HHAT: variants seen among roughly 807,000 people sequenced by gnomAD.
HHAT encodes the protein protein-cysteine N-palmitoyltransferase HHAT.
HHAT carries 47 observed loss-of-function variants against 70.8 expected under a neutral mutation model. The observed-to-expected ratio is 0.66, with a 90% confidence interval of 0.53 to 0.85. The LOEUF is 0.85. HHAT is among the 40% of genes least tolerant of loss of function. The pLI is 0.00. For synonymous variants in HHAT, 228 were observed against 247.6 expected (o/e 0.92, Z 0.74); for missense variants, 609 against 604.8 (o/e 1.01, Z -0.07).
intron 7 of HHAT, among the ~76,000 whole-genome samples, chr1:210,420,768 A>G (rs78550464): frequency 0.18 from 26,676 of 152,076 alleles, 2,824 homozygotes; most frequent in Middle Eastern, 0.24. Context: ...ACAAAGCCAT[A>G]CTTTACCTTG....
chr1:210,435,973 C>T (rs1195458715), intron 7 of HHAT, among the ~76,000 whole-genome samples: 1 of 151,778 alleles, frequency 6.6e-6, no homozygotes, highest in East Asian at 1.9e-4. Flanking sequence ...TTGATACAAT[C>T]CATTTATCTA....
chr1:210,565,955 C>T (rs57610416), intron 9 of HHAT, among the ~76,000 whole-genome samples: 9,005 of 152,212 alleles, frequency 0.059, 847 homozygotes, highest in African/African-American at 0.2. Context: ...CTAGCTCTAG[C>T]GTCCTCTGTG....
chr1:210,497,767 T>A (rs2094677335), intron 8 of HHAT, among the ~76,000 whole-genome samples: 1 of 133,244 alleles, frequency 7.5e-6, no homozygotes. Context: ...CTGACTCTAA[T>A]TTTTTTTTTT....
chr1:210,655,806 G>A (rs1033352316), intron 11 of HHAT, among the ~76,000 whole-genome samples: 1 of 152,160 alleles, frequency 6.6e-6, no homozygotes, highest in Non-Finnish European at 1.5e-5. Flanking sequence ...ACAGACAAAT[G>A]CCCCTCCTCT....
chr1:210,497,182 A>G (rs937917963), intron 8 of HHAT, among the ~76,000 whole-genome samples: 5 of 152,224 alleles, frequency 3.3e-5, no homozygotes, highest in Admixed American at 3.3e-4. Flanking sequence ...AGAAACATAA[A>G]GGTATGCCCT....
chr1:210,656,367 C>T (rs536423962), intron 11 of HHAT, among the ~76,000 whole-genome samples: 75 of 152,074 alleles, frequency 4.9e-4, no homozygotes, highest in African/African-American at 1.6e-3. Context: ...TCCACAGTCA[C>T]GCATGTGCTT....
At chr1:210,673,095 T>C (rs1338488104) in intron 11 of HHAT, among the ~76,000 whole-genome samples, 3 of 152,212 alleles carry the variant, frequency 2.0e-5, no homozygotes, top group Admixed American at 2.0e-4. Context: ...CTCTGTGAAA[T>C]GTTGTGATGC....
chr1:210,458,824 C>A (rs902198236), intron 7 of HHAT, among the ~76,000 whole-genome samples: 1 of 152,100 alleles, frequency 6.6e-6, no homozygotes, highest in East Asian at 1.9e-4. Flanking sequence ...CACATGGGAT[C>A]CAATCACTAG....
At chr1:210,374,184 T>C (rs769433510) in intron 3 of HHAT, 10 of 152,282 alleles carry the variant, frequency 6.6e-5, no homozygotes, top group East Asian at 1.9e-4. Context: ...TTACAAAAAA[T>C]TAGCTTATAA....
intron 7 of HHAT, among the ~76,000 whole-genome samples, chr1:210,450,521 G>A (rs575802644): frequency 1.3e-5 from 2 of 151,422 alleles, no homozygotes; most frequent in East Asian, 3.9e-4. Flanking sequence ...TTTTGAGATG[G>A]AGTCTTGCTC....
chr1:210,396,168 T>G (rs531022862), intron 4 of HHAT, among the ~76,000 whole-genome samples: 1 of 152,178 alleles, frequency 6.6e-6, no homozygotes, highest in African/African-American at 2.4e-5. Flanking sequence ...ACTTTCTTAT[T>G]TTTCATCAGC....
chr1:210,660,393 C>T (rs967937190), intron 11 of HHAT, among the ~76,000 whole-genome samples: 5 of 152,116 alleles, frequency 3.3e-5, no homozygotes, highest in African/African-American at 1.2e-4. Flanking sequence ...AACTACAAAC[C>T]ACTGCTCAAC....
At chr1:210,536,475 C>T (rs1476834546) in intron 9 of HHAT, among the ~76,000 whole-genome samples, 1 of 152,250 alleles carries the variant, frequency 6.6e-6, no homozygotes, top group African/African-American at 2.4e-5. Context: ...CTCAGCACCA[C>T]ATTACTGCTT....
chr1:210,456,965 C>G (rs2093882656), intron 7 of HHAT, among the ~76,000 whole-genome samples: 1 of 152,166 alleles, frequency 6.6e-6, no homozygotes, highest in African/African-American at 2.4e-5. Flanking sequence ...CAGTTCTGCC[C>G]ATGACCTCAC....
intron 2 of HHAT, among the ~76,000 whole-genome samples, chr1:210,351,992 ACTT>A (rs1490945537): frequency 6.6e-6 from 1 of 152,174 alleles, no homozygotes; most frequent in Non-Finnish European, 1.5e-5. Context: ...TGGGTGTTAT[ACTT>A]CTTTACCCAC....
At chr1:210,575,786 A>C (rs1021085033) in intron 9 of HHAT, among the ~76,000 whole-genome samples, 14 of 152,240 alleles carry the variant, frequency 9.2e-5, no homozygotes, top group African/African-American at 2.9e-4. Flanking sequence ...TCATTAGATC[A>C]CTTAAACTGA....
rs2095422927 is a variant in HHAT, at chr1:210,540,813, T to TA, written c.1043+27625_1043+27626insA. Among the ~76,000 whole-genome samples the TA allele has an allele frequency of 2.0e-5, 3 of 152,150 alleles. No individual in the cohort carries two copies. The South Asian group carries it at 6.2e-4, about 32-fold the overall frequency. On this transcript the variant is annotated intron_variant, in intron 9 of 11. Transcript: ENST00000261458. ...GTGTGCCTCACCACACCCAGCTTAA[T>TA]TTTATATTTAAATAAAGTATTGCTT...
chr1:210,416,160 C>T (rs1021781055), intron 6 of HHAT, among the ~76,000 whole-genome samples: 36 of 152,118 alleles, frequency 2.4e-4, no homozygotes, highest in African/African-American at 6.5e-4. Flanking sequence ...AAAATAAATC[C>T]CCTGCCGTGT....
At chr1:210,464,872 GTTTC>G (rs1421431450) in intron 8 of HHAT, among the ~76,000 whole-genome samples, 1 of 151,310 alleles carries the variant, frequency 6.6e-6, no homozygotes, top group Non-Finnish European at 1.5e-5. Flanking sequence ...AGATAAGAAA[GTTTC>G]TTTCTGAGTC....
Sources: gnomAD v4.1 joint callset for allele counts (sites outside exome capture counted in the v4.1 genomes callset) on GRCh38, gnomAD v4.1.1 for gene constraint, MANE v1.5 for transcripts, NCBI Gene and HGNC (gene_info 2026-07-23, HGNC 2026-07-21) for gene names.